The following ADAMTS10 variants were observed in gnomAD, a reference collection of about 807,000 sequenced individuals.
ADAMTS10 encodes A disintegrin and metalloproteinase with thrombospondin motifs 10.
A neutral mutation model predicts 135.9 loss-of-function variants in ADAMTS10; 48 were observed. The ratio of observed to expected loss-of-function variants is 0.35; its 90% CI spans 0.28 to 0.45. The LOEUF (loss-of-function observed/expected upper bound fraction) is 0.45. Ranked by LOEUF, ADAMTS10 falls within the 20% of genes least tolerant of loss-of-function variation. The pLI is 1.00. For missense variants in ADAMTS10, 1,131 were observed against 1,565.2 expected (o/e 0.72, Z 4.68); for synonymous variants, 621 against 647.5 (o/e 0.96, Z 0.62).
rs1600120588 is a variant in ADAMTS10, at chr19:8,605,040, T to G, written c.407A>C (p.His136Pro). ...GCCTCCACAGGTGCTGATGGCCACA[T>G]GGGAGCTGCTGGCCTGGCCCTGCAG... ...GHLQGQASSS[H>P]VAISTCGGLH... Residue 136 changes from histidine (H) to proline (P), a missense_variant, in exon 4 of 26, where the codon CAT becomes CCT. Physicochemically the swap from His to Pro is moderately conservative, Grantham distance 77. Coordinates refer to ENST00000597188, the MANE Select transcript of ADAMTS10 (RefSeq NM_030957.4). This position sits in a 1 kb window ranked among gnomAD's most constrained non-coding sequence, Gnocchi z 7.7. 6.2e-7 allele frequency: 1 copy of G among 1,609,882 alleles called. No individual in the cohort carries two copies. Among genetic ancestry groups the G allele is most frequent in the Middle Eastern group, 1.7e-4 (1 of 6,056 alleles).
At position 8,610,680 on chromosome 19, in the gene ADAMTS10, GCT is replaced by G. The variant is rs2042771614; in HGVS notation, c.-253_-252del. The G allele has an allele frequency of 6.7e-6, 1 of 150,172 alleles. No individual in the cohort carries two copies. The highest frequency in any genetic ancestry group is 6.6e-5 in the Admixed American group (1 of 15,094). 9.3% of individuals were successfully genotyped at this position (150,172 alleles called of 1,614,324 possible). A position where few individuals can be genotyped will look rare whatever the true frequency, so the allele number is the denominator to read the frequency against. ...CCGGGGCCTCCGCGCCGTCGCCGCC[GCT>G]GTCTCGCCGCCCCGCGCGCGCAGGA... On this transcript the variant is annotated 5_prime_UTR_variant, in exon 1 of 26. Coordinates refer to ENST00000597188, the MANE Select transcript of ADAMTS10 (RefSeq NM_030957.4).
rs2042329042 is a variant in ADAMTS10, at chr19:8,580,507, G to C, written c.*386C>G. On this transcript the variant is annotated 3_prime_UTR_variant, in exon 26 of 26. Coordinates refer to ENST00000597188, the MANE Select transcript of ADAMTS10 (RefSeq NM_030957.4). ...GTGGAGGGGTAGGGCAGTGCTGGGGGGCAGGGCACCGGCAGACCACCTCCC... is the reference window on the plus strand; with the variant it reads ...GTGGAGGGGTAGGGCAGTGCTGGGGCGCAGGGCACCGGCAGACCACCTCCC... 4.9e-6 allele frequency: 1 copy of C among 203,286 alleles called. No individual in the cohort carries two copies. The highest frequency in any genetic ancestry group is 1.0e-5 in the Non-Finnish European group (1 of 97,058). The allele number at this position is 203,286 out of a possible 1,614,324, so 12.6% of individuals were successfully genotyped here.
In ADAMTS10 at chr19:8,605,242, C is replaced by G; in HGVS notation, c.205G>C (p.Gly69Arg). The G allele has an allele frequency of 6.2e-7, 1 of 1,613,338 alleles. No homozygotes were observed. Residue 69 changes from glycine (G) to arginine (R), a missense_variant, in exon 4 of 26, where the codon GGG (glycine) becomes CGG (arginine). Gly to Arg is a moderately radical substitution (Grantham distance 125). Coordinates refer to ENST00000597188, the MANE Select transcript of ADAMTS10 (RefSeq NM_030957.4). This position sits in a 1 kb window ranked among gnomAD's most constrained non-coding sequence, Gnocchi z 7.7. ...AAGAGGCGGGACTCGGCTGTGGCCC[C>G]CGTGCCGCGGCGCTGCCTCCGGGGA... ...PPPRRQRRGT[G>R]ATAESRLFYK...
chr19:8,609,988 C>T (rs782457819), intron 1 of ADAMTS10, among the ~76,000 whole-genome samples: 8 of 152,032 alleles, frequency 5.3e-5, no homozygotes, highest in Admixed American at 2.0e-4. Context: ...CACGCGCACA[C>T]ACGGGACAAG....
Position 8,597,243 on chromosome 19 carries a change from C to T in ADAMTS10, c.885G>A (p.Thr295=), listed in dbSNP as rs782606837. 1.2e-5 allele frequency: 20 copies of T among 1,613,972 alleles called. No individual in the cohort carries two copies. The highest frequency in any genetic ancestry group is 1.1e-4 in the East Asian group (5 of 44,892). ...AGGAAGTCCCCCGCACCTGGTCCTC[C>T]GTGAGCAGGATGAGGCGAGTTACGA... ...NILVTRLILL[T]EDQPTLEITH... The change falls in exon 7 of 26, where the codon ACG becomes ACA. Residue 295 remains threonine (T), a synonymous_variant. Transcript: ENST00000597188.
Position 8,580,578 on chromosome 19 carries a change from A to C in ADAMTS10, c.*315T>G. On this transcript the variant is annotated 3_prime_UTR_variant, in exon 26 of 26. Transcript: ENST00000597188. The stretch of plus-strand genomic sequence containing the variant: ...CATATTCCGATCAAAGGAGGGGGGG[A>C]GTGTTGGGGACTCCCTAAGGGTGGG... 9.2e-6 allele frequency: 3 copies of C among 324,994 alleles called. No homozygotes were observed. The highest frequency in any genetic ancestry group is 1.2e-5 in the Non-Finnish European group (2 of 167,066). The allele number at this position is 324,994 out of a possible 1,614,324, so 20.1% of individuals were successfully genotyped here. A position where few individuals can be genotyped will look rare whatever the true frequency, so the allele number is the denominator to read the frequency against.
rs36044688 is a variant in ADAMTS10, at chr19:8,604,001, CT to C, written c.436-118del. On this transcript the variant is annotated intron_variant, in intron 4 of 25. Coordinates refer to ENST00000597188, the MANE Select transcript of ADAMTS10 (RefSeq NM_030957.4). ...TCTTATCAGGTTTATTTTGCTATTTCTTTTTTTTTTTTTGGCATAGGTAATT... is the reference window on the plus strand; with the variant it reads ...TCTTATCAGGTTTATTTTGCTATTTCTTTTTTTTTTTTGGCATAGGTAATT... The C allele has an allele frequency of 0.1, 83,923 of 804,276 alleles. No homozygotes were observed. The highest frequency in any genetic ancestry group is 0.17 in the East Asian group (5,444 of 31,132). 49.8% of individuals were successfully genotyped at this position (804,276 alleles called of 1,614,324 possible).
chr19:8,586,453 C>G lies in ADAMTS10; in HGVS notation c.2421G>C (p.Glu807Asp), dbSNP rs545953920. The G allele has an allele frequency of 3.1e-6, 5 of 1,613,634 alleles. No individual in the cohort carries two copies. The African/African-American group carries it at 6.7e-5, about 22-fold the overall frequency. Residue 807 changes from glutamate (E) to aspartate (D), a missense_variant, in exon 21 of 26, where the codon GAG (glutamate) becomes GAC (aspartate). By Grantham distance (45) the Glu-to-Asp change is conservative (BLOSUM62 2). This residue lies in a region of ADAMTS10 where 745 missense variants were observed against 1,056.3 expected (regional missense o/e 0.71). Coordinates refer to ENST00000597188, the MANE Select transcript of ADAMTS10 (RefSeq NM_030957.4). Reference sequence around the variant, plus strand: ...TGAAGCGGTAGCGGAGGGCAGGCAGCTCGGTCCGGGCCAGCACCTGGAGAA... The same window carrying G: ...TGAAGCGGTAGCGGAGGGCAGGCAGGTCGGTCCGGGCCAGCACCTGGAGAA... Reference protein sequence around the residue: ...SLIVMVLARTELPALRYRFNA... With the variant: ...SLIVMVLARTDLPALRYRFNA...
chr19:8,586,919 C>A, intron 18 of ADAMTS10, 23 bp from the exon 19 acceptor site: 2 of 1,613,932 alleles, frequency 1.2e-6, no homozygotes, highest in South Asian at 2.2e-5. Context: ...GCTCAGATGT[C>A]ACCCACTTGG....
chr19:8,594,536 G>GA (rs1305027827), intron 12 of ADAMTS10, among the ~76,000 whole-genome samples: 2 of 152,168 alleles, frequency 1.3e-5, no homozygotes, highest in Non-Finnish European at 2.9e-5. Flanking sequence ...GCCCAAGCTT[G>GA]ATATTTTGAC....
intron 1 of ADAMTS10, among the ~76,000 whole-genome samples, chr19:8,610,087 A>C (rs1217434657): frequency 6.6e-6 from 1 of 151,754 alleles, no homozygotes; most frequent in Non-Finnish European, 1.5e-5. Flanking sequence ...ACCCAAGGAG[A>C]CAGACACACA....
Position 8,585,797 on chromosome 19 carries a change from C to G in ADAMTS10, c.2661-137G>C. 3 of 941,242 alleles carry G rather than the reference C, an allele frequency of 3.2e-6. No homozygotes were observed. In the South Asian group the frequency reaches 4.5e-5, roughly 14 times the overall value. The allele number at this position is 941,242 out of a possible 1,614,324, so 58.3% of individuals were successfully genotyped here. On this transcript the variant is annotated intron_variant, in intron 22 of 25. Transcript: ENST00000597188. ...AACTGGCACCAGGCACCTCCACATT[C>G]CACACTTGGGGCATCGTTAGCCTGC...
rs557374103 is a variant in ADAMTS10 at position 8,589,515 on chromosome 19, G to A, written c.1971C>T (p.Ala657=). The A allele has an allele frequency of 6.3e-4, 1,022 of 1,611,158 alleles. 10 individuals are homozygous for A. In the South Asian group the frequency reaches 0.01, roughly 16 times the overall value. ...GFNFYTERAA[A]VVDGTPCRPD... ...GACGGCAGGGTGTCCCGTCCACCAC[G>A]GCTGCCGCCCTCTCCGTGTAGAAGT... The change falls in exon 17 of 26, where the codon GCC becomes GCT. Residue 657 remains alanine (A), a synonymous_variant. Transcript: ENST00000597188.
In ADAMTS10 at chr19:8,597,005, G is replaced by A. The variant is rs2042612777; in HGVS notation, c.1022C>T (p.Thr341Ile). 2.5e-6 allele frequency: 4 copies of A among 1,613,926 alleles called. No individual in the cohort carries two copies. Among genetic ancestry groups the A allele is most frequent in the Non-Finnish European group, 3.4e-6 (4 of 1,180,004 alleles). Residue 341 changes from threonine (T) to isoleucine (I), a missense_variant, in exon 8 of 26, where the codon ACA (threonine) becomes ATA (isoleucine). By Grantham distance (89) the Thr-to-Ile change is moderately conservative. This residue lies in a region of ADAMTS10 where 80 missense variants were observed against 164.4 expected (regional missense o/e 0.49). Coordinates refer to ENST00000597188, the MANE Select transcript of ADAMTS10 (RefSeq NM_030957.4). ...CCCTCACCGTGTGATGAGCACTGCT[G>A]TGTCATGGTTAGCCACACCGTTCTC... ...IPENGVANHD[T>I]AVLITRYDIC...
Position 8,596,475 on chromosome 19 carries a change from C to T in ADAMTS10, c.1085-63G>A. ...TCAGGACGGTGCTGGCTGGCCCCAT[C>T]CACCTGCCAGGTCTCACCCCAGCCC... On this transcript the variant is annotated intron_variant, in intron 9 of 25. Transcript: ENST00000597188. The surrounding 1 kb of genome is among the most constrained non-coding windows in gnomAD (Gnocchi z 7.2). 6.2e-7 allele frequency: 1 copy of T among 1,612,490 alleles called. No homozygotes were observed. Among genetic ancestry groups the T allele is most frequent in the South Asian group, 1.1e-5 (1 of 91,060 alleles).
chr19:8,602,251 CTACTCA>C lies in ADAMTS10; in HGVS notation c.593-1112_593-1107del, dbSNP rs2042676364. Among the ~76,000 whole-genome samples, 3 of 152,196 alleles carry C rather than the reference CTACTCA, an allele frequency of 2.0e-5. No individual in the cohort carries two copies. The South Asian group carries it at 6.2e-4, about 32-fold the overall frequency. On this transcript the variant is annotated intron_variant, in intron 5 of 25. Transcript: ENST00000597188. ...GTGGCTGTATGTCTACCACAGCATC[CTACTCA>C]TAGAGTATCTGATTATATACTTAAT...
chr19:8,598,565 A>ATT (rs34389376), intron 6 of ADAMTS10, among the ~76,000 whole-genome samples: 7 of 70,758 alleles, frequency 9.9e-5, no homozygotes, highest in African/African-American at 1.2e-4. Context: ...AATCCCCAGA[A>ATT]TTTTTTTTTT....
At chr19:8,592,303 G>T in intron 13 of ADAMTS10, 200 bp from the exon 14 acceptor site, 1 of 1,082,970 alleles carries the variant, frequency 9.2e-7, no homozygotes, top group Non-Finnish European at 1.3e-6. Context: ...GAGAGGCGTG[G>T]CCTGAGCACA....
intron 12 of ADAMTS10, 120 bp from the exon 13 acceptor site, chr19:8,592,990 G>T: frequency 1.1e-6 from 1 of 898,920 alleles, no homozygotes; most frequent in Non-Finnish European, 1.8e-6. Context: ...AGAGCCCGGT[G>T]CTCCCTTCCT....
Sources: gnomAD v4.1 joint callset for allele counts (sites outside exome capture counted in the v4.1 genomes callset) on GRCh38, gnomAD v4.1.1 for gene constraint, gnomAD v4.1.1 regional missense constraint, Gnocchi (gnomAD v3.1) non-coding constraint, MANE v1.5 for transcripts, NCBI Gene and HGNC (gene_info 2026-07-23, HGNC 2026-07-21) for gene names.